PCBP3: variants seen among roughly 807,000 people sequenced by gnomAD.
PCBP3 encodes poly(rC)-binding protein 3.
In PCBP3, 25 loss-of-function variants were observed where a neutral mutation model predicts 52.7. The observed-to-expected ratio is 0.47, with a 90% CI of 0.35 to 0.66. PCBP3 has a LOEUF of 0.66. PCBP3 is among the 30% of genes least tolerant of loss of function. PCBP3 has a pLI of 0.01. For synonymous variants in PCBP3, 162 were observed against 183.0 expected (o/e 0.89, Z 0.93); for missense variants, 391 against 490.3 (o/e 0.80, Z 1.91).
chr21:45,938,894 C>T (rs1324522464), intron 16 of PCBP3, among the ~76,000 whole-genome samples: 1 of 152,210 alleles, frequency 6.6e-6, no homozygotes, highest in Admixed American at 6.5e-5. Context: ...TGTGTCCCAC[C>T]ATGGAGCTGC....
intron 7 of PCBP3, among the ~76,000 whole-genome samples, chr21:45,899,948 G>GGTGTGGTAGT (rs1397613618): frequency 6.6e-6 from 1 of 152,168 alleles, no homozygotes; most frequent in Non-Finnish European, 1.5e-5. Flanking sequence ...TCTTCAGCCG[G>GGTGTGGTAGT]CTGTGTAGTC....
chr21:45,849,111 C>G (rs892853007), intron 4 of PCBP3, among the ~76,000 whole-genome samples: 2 of 152,010 alleles, frequency 1.3e-5, no homozygotes, highest in African/African-American at 4.8e-5. Context: ...CTTCTTATGC[C>G]TTGCTATGCT....
In PCBP3 at chr21:45,656,580, G is replaced by A. The variant is rs563783269; in HGVS notation, c.-278-12294G>A. On this transcript the variant is annotated intron_variant, in intron 1 of 17. Coordinates refer to ENST00000681687, the MANE Select transcript of PCBP3 (RefSeq NM_001384156.1). This position sits in a 1 kb window ranked among gnomAD's most constrained non-coding sequence, Gnocchi z 4.3. ...TGGGTGCAGCAAACCACCGTGGCAT[G>A]TGTATACCTGTGTAACAAACCTGCA... is the stretch of plus-strand genomic sequence containing the variant. Among the ~76,000 whole-genome samples the A allele has an allele frequency of 3.6e-4, 55 of 152,066 alleles. No homozygotes were observed. Among genetic ancestry groups the A allele is most frequent in the African/African-American group, 1.2e-3 (51 of 41,478 alleles).
In PCBP3 at chr21:45,770,481, T is replaced by G. The variant is rs1229622116; in HGVS notation, c.-126+15029T>G. ...ATGCATTCTTCTACCTTCTGCTGTG[T>G]TGTTGTGTTTTTCTTCATGTGGCAG... is the stretch of plus-strand genomic sequence containing the variant. On this transcript the variant is annotated intron_variant, in intron 4 of 17. Transcript: ENST00000681687. Among the ~76,000 whole-genome samples, 3 of 152,194 alleles carry G rather than the reference T, an allele frequency of 2.0e-5. No homozygotes were observed. In the East Asian group the frequency reaches 5.8e-4, roughly 29 times the overall value.
At chr21:45,784,427 T>TACC (rs1569218191) in intron 4 of PCBP3, among the ~76,000 whole-genome samples, 2 of 95,132 alleles carry the variant, frequency 2.1e-5, no homozygotes, top group African/African-American at 9.2e-5. Context: ...TACCCCTACC[T>TACC]CCTACCTCCT....
Position 45,802,327 on chromosome 21 carries a change from C to T in PCBP3, c.-126+46875C>T, listed in dbSNP as rs568612946. ...ACCACCCCTTGCTGTGTTCCTGAAG[C>T]GTCCTGTCTTCCATGGTCAGGATGC... On this transcript the variant is annotated intron_variant, in intron 4 of 17. Coordinates refer to ENST00000681687, the MANE Select transcript of PCBP3 (RefSeq NM_001384156.1). The surrounding 1 kb of genome is among the most constrained non-coding windows in gnomAD (Gnocchi z 5.1). Among the ~76,000 whole-genome samples, 12 of 152,300 alleles carry T rather than the reference C, an allele frequency of 7.9e-5. No homozygotes were observed. The South Asian group carries it at 2.5e-3, about 32-fold the overall frequency.
Position 45,913,989 on chromosome 21 carries a change from G to T in PCBP3, c.639G>T (p.Lys213Asn). ...GTGCCACCATTCCCTACCGCCCAAA[G>T]CCCGCCTCCACCCCTGTCATTTTTG... ...PKGATIPYRP[K>N]PASTPVIFAG... The change falls in exon 12 of 18, where the codon AAG becomes AAT. Residue 213 changes from lysine to asparagine, a missense_variant. Lys to Asn is a moderately conservative substitution (Grantham distance 94, BLOSUM62 0). Coordinates refer to ENST00000681687, the MANE Select transcript of PCBP3 (RefSeq NM_001384156.1). 6.2e-7 allele frequency: 1 copy of T among 1,613,540 alleles called. No homozygotes were observed. Among genetic ancestry groups the T allele is most frequent in the Non-Finnish European group, 8.5e-7 (1 of 1,179,860 alleles).
rs576998897 is a variant in PCBP3, at chr21:45,800,019, C to T, written c.-126+44567C>T. On this transcript the variant is annotated intron_variant, in intron 4 of 17. Transcript: ENST00000681687. This position sits in a 1 kb window ranked among gnomAD's most constrained non-coding sequence, Gnocchi z 5.3. Reference sequence around the variant, plus strand: ...GGGGAGGGTCCTCTCAGCTCCCGCGCCCTCTGCCCACAGCTTGTTCTCTCA... The same window carrying T: ...GGGGAGGGTCCTCTCAGCTCCCGCGTCCTCTGCCCACAGCTTGTTCTCTCA... Among the ~76,000 whole-genome samples the T allele has an allele frequency of 1.5e-4, 23 of 152,268 alleles. No individual in the cohort carries two copies. Among genetic ancestry groups the T allele is most frequent in the Non-Finnish European group, 2.9e-4 (20 of 68,008 alleles).
chr21:45,650,662 C>G (rs780777789), intron 1 of PCBP3, among the ~76,000 whole-genome samples: 12 of 151,980 alleles, frequency 7.9e-5, no homozygotes, highest in African/African-American at 2.9e-4. Flanking sequence ...GCTATGTTGC[C>G]CAGGCTGGTC....
At chr21:45,677,638 C>G (rs2081552937) in intron 2 of PCBP3, among the ~76,000 whole-genome samples, 1 of 152,192 alleles carries the variant, frequency 6.6e-6, no homozygotes, top group African/African-American at 2.4e-5. Context: ...AAGTCAATGC[C>G]TGGCTTCAAA....
chr21:45,644,620 G>A (rs967994371), intron 1 of PCBP3, among the ~76,000 whole-genome samples: 4 of 152,076 alleles, frequency 2.6e-5, no homozygotes, highest in Admixed American at 2.6e-4. Flanking sequence ...TAAATCTCGT[G>A]GCTCGGGGTT....
intron 5 of PCBP3, among the ~76,000 whole-genome samples, chr21:45,889,499 G>A (rs760387278): frequency 2.6e-5 from 4 of 152,200 alleles, no homozygotes; most frequent in African/African-American, 4.8e-5. Context: ...AGACAGCAAC[G>A]GTGCAGGCAG....
At chr21:45,883,332 T>C (rs2095444731) in intron 5 of PCBP3, among the ~76,000 whole-genome samples, 1 of 152,194 alleles carries the variant, frequency 6.6e-6, no homozygotes, top group Admixed American at 6.5e-5. Flanking sequence ...CTGGTATAGA[T>C]TCTGTACATG....
chr21:45,753,718 T>G (rs966309832), intron 3 of PCBP3, among the ~76,000 whole-genome samples: 11 of 152,186 alleles, frequency 7.2e-5, no homozygotes, highest in Non-Finnish European at 1.5e-5. Context: ...TTTGTGTTTG[T>G]CTTATATGTA....
chr21:45,675,909 A>C (rs537796042), intron 2 of PCBP3, among the ~76,000 whole-genome samples: 2 of 152,298 alleles, frequency 1.3e-5, no homozygotes, highest in African/African-American at 4.8e-5. Flanking sequence ...AAAGCCAACA[A>C]CATTTAAGAA....
rs532539717 is a variant in PCBP3, at chr21:45,913,999, A to G, written c.649A>G (p.Thr217Ala). The change falls in exon 12 of 18, where the codon ACC becomes GCC. Residue 217 changes from threonine (T) to alanine (A), a missense_variant. Transcript: ENST00000681687. ...TIPYRPKPAS[T>A]PVIFAGGQAY... is the part of the protein sequence containing the mutation. ...TCCCTACCGCCCAAAGCCCGCCTCC[A>G]CCCCTGTCATTTTTGCAGGTGGTCA... 69 of 1,612,536 alleles carry G rather than the reference A, an allele frequency of 4.3e-5. No individual in the cohort carries two copies. In the South Asian group the frequency reaches 7.4e-4, roughly 17 times the overall value.
chr21:45,740,574 T>C lies in PCBP3; in HGVS notation c.-162+5145T>C, dbSNP rs190433693. Among the ~76,000 whole-genome samples the C allele has an allele frequency of 1.8e-3, 266 of 151,970 alleles. 1 individual carries two copies. Among genetic ancestry groups the C allele is most frequent in the African/African-American group, 6.2e-3 (256 of 41,450 alleles). On this transcript the variant is annotated intron_variant, in intron 3 of 17. Coordinates refer to ENST00000681687, the MANE Select transcript of PCBP3 (RefSeq NM_001384156.1). The stretch of plus-strand genomic sequence containing the variant: ...CAGAGCAGATCTGAACCTAGAAAGC[T>C]GAGAGGTGCGTGTGTGTGTGCATGT...
At chr21:45,759,353 A>G (rs1020386994) in intron 4 of PCBP3, among the ~76,000 whole-genome samples, 9 of 152,168 alleles carry the variant, frequency 5.9e-5, no homozygotes, top group South Asian at 2.1e-4. Flanking sequence ...TTTAATTGTT[A>G]TAAGATTTTT....
At chr21:45,784,982 C>T (rs1481248399) in intron 4 of PCBP3, among the ~76,000 whole-genome samples, 1 of 151,916 alleles carries the variant, frequency 6.6e-6, no homozygotes, top group African/African-American at 2.4e-5. Context: ...TGAGGAGCGT[C>T]TCTGCCCGGC....
Sources: gnomAD v4.1 joint callset for allele counts (sites outside exome capture counted in the v4.1 genomes callset) on GRCh38, gnomAD v4.1.1 for gene constraint, Gnocchi (gnomAD v3.1) non-coding constraint, MANE v1.5 for transcripts, NCBI Gene and HGNC (gene_info 2026-07-23, HGNC 2026-07-21) for gene names.